Variants in CACNA1A observed in about 807,000 individuals in gnomAD.
The protein encoded by CACNA1A is voltage-dependent P/Q-type calcium channel subunit alpha-1A.
A neutral mutation model predicts 262.4 loss-of-function variants in CACNA1A; 57 were observed. That is an observed-to-expected ratio of 0.22 (90% CI 0.18 to 0.27). CACNA1A has a LOEUF of 0.27. Ranked by LOEUF, CACNA1A falls within the 10% of genes least tolerant of loss-of-function variation. CACNA1A has a pLI of 1.00. For missense variants in CACNA1A, 2,526 were observed against 3,562.8 expected (o/e 0.71, Z 7.41); for synonymous variants, 1,431 against 1,419.3 (o/e 1.01, Z -0.18).
At chr19:13,418,281 G>A (rs2060259242) in intron 3 of CACNA1A, among the ~76,000 whole-genome samples, 1 of 152,080 alleles carries the variant, frequency 6.6e-6, no homozygotes, top group African/African-American at 2.4e-5. Context: ...TGGGGGAGTG[G>A]AGGTGGGGGC....
In CACNA1A at chr19:13,337,991, G is replaced by A. The variant is rs574244291; in HGVS notation, c.979-2082C>T. Among the ~76,000 whole-genome samples, 104 of 152,238 alleles carry A rather than the reference G, an allele frequency of 6.8e-4. 2 individuals carry two copies. Among genetic ancestry groups the A allele is most frequent in the African/African-American group, 2.3e-3 (94 of 41,536 alleles). ...TCCCAGCACTTTGGGAGGCCGAGGC[G>A]GGCAGATCATGAGGTCAGGAGATCG... is the stretch of plus-strand genomic sequence containing the variant. On this transcript the variant is annotated intron_variant, in intron 6 of 46. Coordinates refer to ENST00000360228, the MANE Select transcript of CACNA1A (RefSeq NM_001127222.2).
At position 13,506,300 on chromosome 19, in the gene CACNA1A, C is replaced by T. The variant is rs1568720785; in HGVS notation, c.-76G>A. On this transcript the variant is annotated 5_prime_UTR_variant, in exon 1 of 47. Coordinates refer to ENST00000360228, the MANE Select transcript of CACNA1A (RefSeq NM_001127222.2). ...GACGCCGCCGCCGCCGCCGCCGCCG[C>T]TGATGCTGAGGCTGCCGGGGCTGGG... 2.3e-6 allele frequency: 3 copies of T among 1,297,744 alleles called. No individual in the cohort carries two copies. The highest frequency in any genetic ancestry group is 7.3e-5 in the Admixed American group (2 of 27,398). 80.4% of individuals were successfully genotyped at this position (1,297,744 alleles called of 1,614,324 possible).
At chr19:13,420,035 G>A (rs1321297704) in intron 3 of CACNA1A, among the ~76,000 whole-genome samples, 3 of 151,350 alleles carry the variant, frequency 2.0e-5, no homozygotes, top group African/African-American at 7.3e-5. Flanking sequence ...GCAGTGAGCC[G>A]AGACTACTAC....
intron 10 of CACNA1A, among the ~76,000 whole-genome samples, chr19:13,326,254 G>A (rs1026721708): frequency 1.3e-5 from 2 of 151,816 alleles, no homozygotes; most frequent in African/African-American, 4.8e-5. Context: ...GGTGGAGGTT[G>A]CAGTGAGCCG....
chr19:13,286,100 G>T (rs1247259393), intron 20 of CACNA1A, among the ~76,000 whole-genome samples: 1 of 151,496 alleles, frequency 6.6e-6, no homozygotes, highest in Non-Finnish European at 1.5e-5. Context: ...CTTTTTTAAT[G>T]TGGCGACTAG....
intron 5 of CACNA1A, chr19:13,363,335 TCTC>T (rs2059146666): frequency 1.4e-5 from 2 of 144,106 alleles, no homozygotes; most frequent in South Asian, 2.3e-4. Context: ...TCTCTCTCTC[TCTC>T]GCATTTCCGC....
At chr19:13,355,038 G>A (rs2058985140) in intron 6 of CACNA1A, among the ~76,000 whole-genome samples, 1 of 152,010 alleles carries the variant, frequency 6.6e-6, no homozygotes. Context: ...ACCACGCCTG[G>A]CTAATTTTTG....
At chr19:13,437,462 G>A (rs992590261) in intron 3 of CACNA1A, among the ~76,000 whole-genome samples, 110 of 152,212 alleles carry the variant, frequency 7.2e-4, no homozygotes, top group Middle Eastern at 6.8e-3. Flanking sequence ...AGGCTGAGGA[G>A]GGTGGATCAC....
intron 3 of CACNA1A, among the ~76,000 whole-genome samples, chr19:13,410,026 T>C (rs2060082092): frequency 6.6e-6 from 1 of 152,228 alleles, no homozygotes; most frequent in African/African-American, 2.4e-5. Context: ...CCAGCATGTA[T>C]GCCCATATAG....
chr19:13,276,016 C>A, intron 23 of CACNA1A, 60 bp from the exon 24 acceptor site: 2 of 1,100,968 alleles, frequency 1.8e-6, no homozygotes, highest in South Asian at 1.3e-5. Context: ...TGGGGTGCTG[C>A]CACCCACTCT....
intron 1 of CACNA1A, among the ~76,000 whole-genome samples, chr19:13,458,435 G>A (rs1168497561): frequency 1.3e-5 from 2 of 152,006 alleles, no homozygotes; most frequent in African/African-American, 4.8e-5. Flanking sequence ...ACAGGCATGA[G>A]CCACTGTGCC....
intron 5 of CACNA1A, among the ~76,000 whole-genome samples, chr19:13,361,577 C>T (rs968924006): frequency 1.3e-5 from 2 of 152,180 alleles, no homozygotes; most frequent in Admixed American, 6.5e-5. Flanking sequence ...CTACAGACTT[C>T]GCAGCACCAA....
intron 27 of CACNA1A, 113 bp downstream of exon 27, chr19:13,259,451 C>T (rs1403134284): frequency 9.6e-6 from 9 of 940,378 alleles, no homozygotes; most frequent in African/African-American, 5.1e-5. Flanking sequence ...GGATTACAGG[C>T]GTGAGCCACC....
chr19:13,446,610 C>CTT lies in CACNA1A; in HGVS notation c.539+6264_539+6265dup, dbSNP rs528828997. Among the ~76,000 whole-genome samples the CTT allele has an allele frequency of 8.3e-3, 997 of 119,980 alleles. 23 individuals carry two copies. The highest frequency in any genetic ancestry group is 0.028 in the African/African-American group (900 of 32,236). 78.7% of individuals were successfully genotyped at this position (119,980 alleles called of 152,430 possible). ...GTGCACACCACACCACCATGCCAGG[C>CTT]TTTTTTTTTTTTTTTTTTGTATTTT... On this transcript the variant is annotated intron_variant, in intron 3 of 46. Transcript: ENST00000360228.
At chr19:13,223,522 C>T in intron 38 of CACNA1A, among the ~76,000 whole-genome samples, 1 of 152,196 alleles carries the variant, frequency 6.6e-6, no homozygotes, top group East Asian at 1.9e-4. Flanking sequence ...CCTGTCTCCA[C>T]CCAGATGATA....
At chr19:13,228,173 G>T (rs2055536387) in intron 36 of CACNA1A, among the ~76,000 whole-genome samples, 1 of 152,062 alleles carries the variant, frequency 6.6e-6, no homozygotes, top group South Asian at 2.1e-4. Context: ...CTCCCAAAGT[G>T]CTGGGATTAC....
chr19:13,361,535 C>T (rs1034378675), intron 5 of CACNA1A, among the ~76,000 whole-genome samples: 11 of 152,180 alleles, frequency 7.2e-5, no homozygotes, highest in African/African-American at 2.7e-4. Flanking sequence ...CTCAAGCTTC[C>T]TACTCAACAA....
In CACNA1A at chr19:13,303,732, A is replaced by G. The variant is rs756118367; in HGVS notation, c.2104+35T>C. ...GCAACCTCTCCTCTGCCAGAGGTCCAGGCCTGTCCCCTTCTCTCTCTCCAT... is the reference window on the plus strand; with the variant it reads ...GCAACCTCTCCTCTGCCAGAGGTCCGGGCCTGTCCCCTTCTCTCTCTCCAT... On this transcript the variant is annotated intron_variant, in intron 16 of 46. Transcript: ENST00000360228. 22 of 1,569,910 alleles carry G rather than the reference A, an allele frequency of 1.4e-5. No individual in the cohort carries two copies. In the South Asian group the frequency reaches 2.2e-4, roughly 16 times the overall value.
At chr19:13,434,506 G>A (rs1162383713) in intron 3 of CACNA1A, among the ~76,000 whole-genome samples, 1 of 152,098 alleles carries the variant, frequency 6.6e-6, no homozygotes, top group Non-Finnish European at 1.5e-5. Flanking sequence ...TGGATCATGG[G>A]GGCAGATTTC....
Sources: allele counts gnomAD v4.1 joint callset (sites outside exome capture counted in the v4.1 genomes callset), GRCh38; gene constraint gnomAD v4.1.1; transcripts MANE v1.5; gene names NCBI Gene and HGNC (gene_info 2026-07-23, HGNC 2026-07-21).